RFTN2: variants seen among roughly 807,000 people sequenced by gnomAD.
RFTN2 encodes raftlin family member 2, also known as raftlin-2.
In RFTN2, 34 loss-of-function variants were observed where a neutral mutation model predicts 52.7. The ratio of observed to expected loss-of-function variants is 0.64; its 90% confidence interval spans 0.49 to 0.86. RFTN2 has a LOEUF of 0.86. RFTN2 is among the 40% of genes least tolerant of loss of function. The probability of loss-of-function intolerance (pLI) is 0.00; values close to 1 mark genes in which losing one functional copy is unlikely to be tolerated. For synonymous variants in RFTN2, 203 were observed against 217.7 expected, an observed-to-expected ratio of 0.93 and a Z score of 0.59; for missense variants, 536 against 600.1, an observed-to-expected ratio of 0.89 and a Z score of 1.12.
intron 7 of RFTN2, among the ~76,000 whole-genome samples, chr2:197,614,481 C>A (rs144020355): frequency 4.4e-4 from 67 of 152,316 alleles, no homozygotes; most frequent in African/African-American, 1.5e-3. Flanking sequence ...TTCCTGGACG[C>A]TGGACAAGGA....
Position 197,572,031 on chromosome 2 carries a change from C to T in RFTN2, c.1483G>A (p.Val495Met). The change falls in exon 9 of 9, where the codon GTG becomes ATG. Residue 495 changes from valine (V) to methionine (M), a missense_variant. Val to Met is a conservative substitution (Grantham distance 21). Transcript: ENST00000295049. ...DDGQFDQEDG[V>M]TQVTCM ...GCTCACATACAAGTGACCTGAGTCA[C>T]TCCATCTTCCTGATCAAACTGTCCG... 1.9e-6 allele frequency: 3 copies of T among 1,614,234 alleles called. No individual in the cohort carries two copies. Among genetic ancestry groups the T allele is most frequent in the Non-Finnish European group, 2.5e-6 (3 of 1,180,032 alleles).
intron 8 of RFTN2, among the ~76,000 whole-genome samples, chr2:197,589,448 T>A (rs542022233): frequency 6.6e-6 from 1 of 152,236 alleles, no homozygotes; most frequent in East Asian, 1.9e-4. Context: ...AACGGACTAA[T>A]ACAGTGGATA....
At chr2:197,623,160 G>A (rs1462525312) in intron 5 of RFTN2, among the ~76,000 whole-genome samples, 1 of 152,106 alleles carries the variant, frequency 6.6e-6, no homozygotes, top group African/African-American at 2.4e-5. Flanking sequence ...TGATGGATCT[G>A]GGCAAAATAA....
At chr2:197,673,028 G>C (rs1208765268) in intron 1 of RFTN2, among the ~76,000 whole-genome samples, 1 of 152,190 alleles carries the variant, frequency 6.6e-6, no homozygotes, top group Non-Finnish European at 1.5e-5. Context: ...TGGATTTTCA[G>C]AGGGTCTCCT....
At chr2:197,655,899 G>A (rs2088888801) in intron 1 of RFTN2, among the ~76,000 whole-genome samples, 1 of 152,148 alleles carries the variant, frequency 6.6e-6, no homozygotes, top group Admixed American at 6.5e-5. Context: ...AAATGTGCAT[G>A]TTCTCCTATC....
intron 3 of RFTN2, among the ~76,000 whole-genome samples, chr2:197,640,509 C>T (rs1230616034): frequency 2.0e-5 from 3 of 152,334 alleles, no homozygotes; most frequent in African/African-American, 4.8e-5. Flanking sequence ...CAGGTGAGTC[C>T]GTCACCCCTT....
In RFTN2 at chr2:197,638,146, G is replaced by C. The variant is rs1184704685; in HGVS notation, c.439-4149C>G. On this transcript the variant is annotated intron_variant, in intron 3 of 8. Transcript: ENST00000295049. ...TGTTCTTTTACATTTGCTGAGGAGA[G>C]CTTTACTTCCAACTATGTGGTCAAT... 2.8e-5 allele frequency among the ~76,000 whole-genome samples: 4 copies of C among 143,746 alleles called. No individual in the cohort carries two copies. The East Asian group carries it at 8.2e-4, about 29-fold the overall frequency. The allele number at this position is 143,746 out of a possible 152,430, so 94.3% of individuals were successfully genotyped here. A position where few individuals can be genotyped will look rare whatever the true frequency, so the allele number is the denominator to read the frequency against.
chr2:197,654,130 G>A (rs2088860460), intron 1 of RFTN2, among the ~76,000 whole-genome samples: 1 of 152,206 alleles, frequency 6.6e-6, no homozygotes, highest in South Asian at 2.1e-4. Context: ...GCTCATGTCT[G>A]CAATTCCATC....
intron 8 of RFTN2, among the ~76,000 whole-genome samples, chr2:197,574,918 CT>C (rs1206676226): frequency 1.3e-5 from 2 of 151,986 alleles, no homozygotes; most frequent in East Asian, 3.8e-4. Flanking sequence ...CTTTGGGGAA[CT>C]GTTAGGTAGG....
intron 3 of RFTN2, among the ~76,000 whole-genome samples, chr2:197,638,684 T>A (rs2088610297): frequency 1.3e-5 from 2 of 149,104 alleles, no homozygotes; most frequent in South Asian, 4.4e-4. Context: ...GGGTCTTGAC[T>A]CTTTATCCAA....
chr2:197,571,953 T>A lies in RFTN2; in HGVS notation c.*55A>T, dbSNP rs922600194. ...AGAGAAAGTAATACAATAAGGTCAG[T>A]TGGCAATGATTTTAACAATTATTTA... On this transcript the variant is annotated 3_prime_UTR_variant, in exon 9 of 9. Coordinates refer to ENST00000295049, the MANE Select transcript of RFTN2 (RefSeq NM_144629.3). 37 of 1,547,660 alleles carry A rather than the reference T, an allele frequency of 2.4e-5. No homozygotes were observed. The highest frequency in any genetic ancestry group is 2.9e-5 in the Non-Finnish European group (33 of 1,123,614).
Position 197,675,448 on chromosome 2 carries a change from C to CCGCA in RFTN2, c.7_10dup (p.Gly4ValfsTer4). 6.3e-7 allele frequency: 1 copy of CCGCA among 1,580,814 alleles called. No homozygotes were observed. Among genetic ancestry groups the CCGCA allele is most frequent in the Non-Finnish European group, 8.6e-7 (1 of 1,164,850 alleles). On this transcript the variant is annotated frameshift_variant, in exon 1 of 9. Transcript: ENST00000295049. LOFTEE classifies it high-confidence loss of function. Reference sequence around the variant, plus strand: ...ATCAGGGTCTTCTAGCTTTCTAAGTCCGCACCCCATGGCAAAATCTGTAAG... The same window carrying CCGCA: ...ATCAGGGTCTTCTAGCTTTCTAAGTCCGCACGCACCCCATGGCAAAATCTGTAAG...
chr2:197,611,312 G>C (rs755672627), intron 7 of RFTN2, among the ~76,000 whole-genome samples: 28 of 152,200 alleles, frequency 1.8e-4, no homozygotes, highest in Non-Finnish European at 3.2e-4. Context: ...TCTAGTCAGA[G>C]ATTCAACTTC....
chr2:197,655,936 T>TC (rs2088889373), intron 1 of RFTN2, among the ~76,000 whole-genome samples: 1 of 152,214 alleles, frequency 6.6e-6, no homozygotes, highest in Non-Finnish European at 1.5e-5. Context: ...TTGATAAAAC[T>TC]GTAGCACCCA....
chr2:197,584,823 A>G (rs2087570384), intron 8 of RFTN2, among the ~76,000 whole-genome samples: 1 of 152,154 alleles, frequency 6.6e-6, no homozygotes, highest in Non-Finnish European at 1.5e-5. Context: ...CTAGGTGACT[A>G]TCTTCCAGTC....
chr2:197,620,179 T>A (rs1447323301), intron 5 of RFTN2, among the ~76,000 whole-genome samples: 2 of 151,718 alleles, frequency 1.3e-5, no homozygotes, highest in Non-Finnish European at 2.9e-5. Flanking sequence ...TTTACCTCAA[T>A]GATGGGTTAA....
intron 7 of RFTN2, among the ~76,000 whole-genome samples, chr2:197,615,479 C>G: frequency 6.6e-6 from 1 of 152,208 alleles, no homozygotes; most frequent in East Asian, 1.9e-4. Context: ...AAAGTTAGTA[C>G]TTACAAAATA....
intron 1 of RFTN2, among the ~76,000 whole-genome samples, chr2:197,652,320 T>C (rs1022100035): frequency 3.9e-5 from 6 of 152,172 alleles, no homozygotes; most frequent in Admixed American, 3.3e-4. Flanking sequence ...CTTAGCAGAA[T>C]GGGTGTCAGC....
chr2:197,617,538 A>C (rs2106212475), intron 6 of RFTN2, among the ~76,000 whole-genome samples: 1 of 152,016 alleles, frequency 6.6e-6, no homozygotes, highest in Non-Finnish European at 1.5e-5. Flanking sequence ...AAATTAGATG[A>C]GTATGGTGGT....
Sources: gnomAD v4.1 joint callset for allele counts (sites outside exome capture counted in the v4.1 genomes callset) on GRCh38, gnomAD v4.1.1 for gene constraint, MANE v1.5 for transcripts, NCBI Gene and HGNC (gene_info 2026-07-23, HGNC 2026-07-21) for gene names.